NOTCH2NLC: variants seen among roughly 807,000 people sequenced by gnomAD.
NOTCH2NLC encodes notch 2 N-terminal like C, also known as notch homolog 2 N-terminal-like protein C.
NOTCH2NLC carries 4 observed loss-of-function variants against 17.7 expected under a neutral mutation model. The observed-to-expected ratio is 0.23, with a 90% CI of 0.11 to 0.52. The LOEUF (loss-of-function observed/expected upper bound fraction) is 0.52, where lower values mean the gene tolerates loss of function less well. Ranked by LOEUF, NOTCH2NLC falls within the 20% of genes least tolerant of loss-of-function variation. The probability of loss-of-function intolerance (pLI) is 0.96; values close to 1 mark genes in which losing one functional copy is unlikely to be tolerated. For missense variants in NOTCH2NLC, 57 were observed against 207.2 expected (o/e 0.28, Z 4.45); for synonymous variants, 18 against 86.0 (o/e 0.21, Z 4.38).
At chr1:149,391,061 C>T in intron 1 of NOTCH2NLC, 139 bp downstream of exon 1, 1 of 800,078 alleles carries the variant, frequency 1.2e-6, no homozygotes, top group Non-Finnish European at 1.6e-6. Context: ...GCTGGGTTCC[C>T]GAGAGTTTGG....
chr1:149,460,537 C>A (rs2084637736), intron 3 of NOTCH2NLC, among the ~76,000 whole-genome samples: 1 of 149,208 alleles, frequency 6.7e-6, no homozygotes, highest in African/African-American at 2.5e-5. Context: ...TGGGCTTTCA[C>A]CTTGTTAGCC....
Position 149,449,191 on chromosome 1 carries a change from A to G in NOTCH2NLC, c.210-6127A>G, listed in dbSNP as rs2084574959. On this transcript the variant is annotated intron_variant, in intron 2 of 4. Transcript: ENST00000650865. The stretch of plus-strand genomic sequence containing the variant: ...CCACCGCACCTGGCCTAGCTGTAAA[A>G]TCTTAATCTTTCTAAGCTTCGAGTT... Among the ~76,000 whole-genome samples, 5 of 151,048 alleles carry G rather than the reference A, an allele frequency of 3.3e-5. No individual in the cohort carries two copies. The South Asian group carries it at 1.1e-3, about 32-fold the overall frequency.
intron 1 of NOTCH2NLC, among the ~76,000 whole-genome samples, chr1:149,422,409 G>T (rs1369140989): frequency 6.7e-6 from 1 of 150,072 alleles, no homozygotes; most frequent in Non-Finnish European, 1.5e-5. Context: ...TATGGAATTT[G>T]CCTAGAAGTG....
chr1:149,404,741 CAT>C (rs2084258673), intron 1 of NOTCH2NLC, among the ~76,000 whole-genome samples: 2 of 143,942 alleles, frequency 1.4e-5, no homozygotes, highest in Admixed American at 1.4e-4. Context: ...GGTCTGGTGT[CAT>C]TAGTGATTCA....
At chr1:149,445,557 C>A (rs1203748401) in intron 2 of NOTCH2NLC, among the ~76,000 whole-genome samples, 5 of 149,678 alleles carry the variant, frequency 3.3e-5, no homozygotes, top group Admixed American at 6.7e-5. Flanking sequence ...CGACAGCTCC[C>A]CCCTCTAGAG....
At chr1:149,460,864 T>TTTCC (rs2084642238) in intron 3 of NOTCH2NLC, among the ~76,000 whole-genome samples, 1 of 12,360 alleles carries the variant, frequency 8.1e-5, no homozygotes, top group South Asian at 2.7e-3. Context: ...CCTTTCTTTC[T>TTTCC]TTCTTTCTTT....
At position 149,470,108 on chromosome 1, in the gene NOTCH2NLC, G is replaced by T. The variant is rs1267040900; in HGVS notation, c.*5955G>T. ...CGGGATCCCAGAAAACATATGGACTGCAATTGGGTAAAGTTTCTGTTTCAG... is the reference window on the plus strand; with the variant it reads ...CGGGATCCCAGAAAACATATGGACTTCAATTGGGTAAAGTTTCTGTTTCAG... On this transcript the variant is annotated 3_prime_UTR_variant, in exon 5 of 5. Coordinates refer to ENST00000650865, the MANE Select transcript of NOTCH2NLC (RefSeq NM_001364013.2). 6.6e-6 allele frequency among the ~76,000 whole-genome samples: 1 copy of T among 151,474 alleles called. No individual in the cohort carries two copies. The highest frequency in any genetic ancestry group is 1.5e-5 in the Non-Finnish European group (1 of 67,638).
intron 1 of NOTCH2NLC, among the ~76,000 whole-genome samples, chr1:149,418,889 T>C (rs1372798174): frequency 2.0e-5 from 3 of 150,206 alleles, no homozygotes; most frequent in Admixed American, 6.6e-5. Context: ...GCAGATGAAA[T>C]GGAAGGTAGG....
At chr1:149,423,235 T>C (rs1162376933) in intron 1 of NOTCH2NLC, among the ~76,000 whole-genome samples, 6 of 150,188 alleles carry the variant, frequency 4.0e-5, no homozygotes, top group Non-Finnish European at 8.9e-5. Context: ...TTATCTCTTA[T>C]TGCTTTTTTT....
At chr1:149,449,712 T>C (rs1230374035) in intron 2 of NOTCH2NLC, among the ~76,000 whole-genome samples, 1 of 151,472 alleles carries the variant, frequency 6.6e-6, no homozygotes, top group Non-Finnish European at 1.5e-5. Context: ...TCCAGAGTTA[T>C]GAGACCACCA....
At chr1:149,412,306 G>A (rs1367558916) in intron 1 of NOTCH2NLC, among the ~76,000 whole-genome samples, 2 of 142,328 alleles carry the variant, frequency 1.4e-5, no homozygotes, top group African/African-American at 5.1e-5. Flanking sequence ...AGAATAGAGA[G>A]TATCACATAG....
chr1:149,398,074 C>T lies in NOTCH2NLC; in HGVS notation c.135+7152C>T, dbSNP rs1176426373. 1.1e-4 allele frequency among the ~76,000 whole-genome samples: 16 copies of T among 150,872 alleles called. No homozygotes were observed. In the East Asian group the frequency reaches 3.0e-3, roughly 28 times the overall value. ...ATCTATGCTCTCTGAAAGCAGTTTC[C>T]TGCAGTCAGGGTGACTCGGATCTAT... On this transcript the variant is annotated intron_variant, in intron 1 of 4. Transcript: ENST00000650865.
In NOTCH2NLC at chr1:149,471,617, C is replaced by T. The variant is rs1454982736; in HGVS notation, c.*7464C>T. The stretch of plus-strand genomic sequence containing the variant: ...GTAGATTAGTGGTTGTCAGAGACTG[C>T]AAGAAGTGGGGAATTGGAGAGTGAC... On this transcript the variant is annotated 3_prime_UTR_variant, in exon 5 of 5. Coordinates refer to ENST00000650865, the MANE Select transcript of NOTCH2NLC (RefSeq NM_001364013.2). 4.0e-5 allele frequency among the ~76,000 whole-genome samples: 6 copies of T among 149,916 alleles called. No homozygotes were observed. The highest frequency in any genetic ancestry group is 3.5e-3 in the Middle Eastern group (1 of 286).
rs1164824221 is a variant in NOTCH2NLC at position 149,419,055 on chromosome 1, C to CT, written c.136-11879dup. Among the ~76,000 whole-genome samples the CT allele has an allele frequency of 3.3e-4, 45 of 137,370 alleles. 4 individuals carry two copies. The East Asian group carries it at 7.4e-3, about 23-fold the overall frequency. 90.1% of individuals were successfully genotyped at this position (137,370 alleles called of 152,430 possible). ...CTCTCTCTCCTTTCTTTTTTTCTTT[C>CT]TTTTTTTTCTTTTCTTTTCTTTCTT... On this transcript the variant is annotated intron_variant, in intron 1 of 4. Coordinates refer to ENST00000650865, the MANE Select transcript of NOTCH2NLC (RefSeq NM_001364013.2).
At chr1:149,423,388 T>C (rs2084389643) in intron 1 of NOTCH2NLC, among the ~76,000 whole-genome samples, 1 of 151,454 alleles carries the variant, frequency 6.6e-6, no homozygotes, top group Non-Finnish European at 1.5e-5. Flanking sequence ...TTTCATGGCT[T>C]GGTCCCAAAA....
At chr1:149,445,726 A>G (rs1397022601) in intron 2 of NOTCH2NLC, among the ~76,000 whole-genome samples, 2 of 149,510 alleles carry the variant, frequency 1.3e-5, no homozygotes, top group Non-Finnish European at 3.0e-5. Context: ...TGCAGTGCCG[A>G]CGCAACCCAC....
chr1:149,426,564 ACTT>A (rs2084414049), intron 1 of NOTCH2NLC, among the ~76,000 whole-genome samples: 3 of 130,436 alleles, frequency 2.3e-5, no homozygotes, highest in African/African-American at 5.6e-5. Context: ...GAAATCTACT[ACTT>A]CTTTTTGCCT....
chr1:149,399,188 T>C (rs1194390736), intron 1 of NOTCH2NLC, among the ~76,000 whole-genome samples: 44 of 150,658 alleles, frequency 2.9e-4, no homozygotes, highest in Middle Eastern at 3.4e-3. Flanking sequence ...GAGGCAGGCA[T>C]GTTTTAAAAT....
chr1:149,394,987 TC>T (rs1429227180), intron 1 of NOTCH2NLC, among the ~76,000 whole-genome samples: 1 of 147,310 alleles, frequency 6.8e-6, no homozygotes, highest in Non-Finnish European at 1.5e-5. Flanking sequence ...GTTTTGGTCC[TC>T]CATTTTCTGA....
Sources: gnomAD v4.1 joint callset for allele counts (sites outside exome capture counted in the v4.1 genomes callset) on GRCh38, gnomAD v4.1.1 for gene constraint, MANE v1.5 for transcripts, NCBI Gene and HGNC (gene_info 2026-07-23, HGNC 2026-07-21) for gene names.